The following LRBA variants were observed in gnomAD, a reference collection of about 807,000 sequenced individuals.
The protein encoded by LRBA is lipopolysaccharide-responsive and beige-like anchor protein.
A neutral mutation model predicts 330.0 loss-of-function variants in LRBA; 176 were observed. That is an observed-to-expected ratio of 0.53 (90% CI 0.47 to 0.60). The LOEUF (loss-of-function observed/expected upper bound fraction) is 0.60. Among genes scored for constraint, LRBA ranks in the 20% least tolerant of loss-of-function variants. The pLI is 0.00. For missense variants in LRBA, 3,259 were observed against 3,444.8 expected, an observed-to-expected ratio of 0.95 and a Z score of 1.35; for synonymous variants, 1,230 against 1,193.0, an observed-to-expected ratio of 1.03 and a Z score of -0.64.
chr4:150,812,447 T>C (rs975820918), intron 31 of LRBA, among the ~76,000 whole-genome samples: 3 of 152,192 alleles, frequency 2.0e-5, no homozygotes, highest in Non-Finnish European at 4.4e-5. Context: ...ATAACTAATG[T>C]CCCTTGCAAT....
intron 2 of LRBA, among the ~76,000 whole-genome samples, chr4:150,955,585 T>C (rs961569082): frequency 2.0e-5 from 3 of 147,674 alleles, no homozygotes; most frequent in Non-Finnish European, 4.4e-5. Flanking sequence ...CAAACCCCCA[T>C]CTCAATAATA....
chr4:150,424,464 T>G (rs1315830701), intron 46 of LRBA, among the ~76,000 whole-genome samples: 1 of 152,122 alleles, frequency 6.6e-6, no homozygotes, highest in Non-Finnish European at 1.5e-5. Context: ...CTAAGAAAGA[T>G]TAACAAAAAT....
At chr4:150,667,535 T>C (rs1450135225) in intron 37 of LRBA, among the ~76,000 whole-genome samples, 1 of 152,158 alleles carries the variant, frequency 6.6e-6, no homozygotes, top group Non-Finnish European at 1.5e-5. Flanking sequence ...AAACCTGCAA[T>C]TGATTGAATG....
chr4:150,735,973 CAAAAAGCTAAGCA>C (rs936938099), intron 35 of LRBA, among the ~76,000 whole-genome samples: 2 of 151,936 alleles, frequency 1.3e-5, no homozygotes, highest in Non-Finnish European at 2.9e-5. Context: ...AACTGGCAGC[CAAAAAGCTAAGCA>C]AAGCTTTCAG....
At chr4:150,527,921 A>G (rs1261396297) in intron 40 of LRBA, among the ~76,000 whole-genome samples, 1 of 152,236 alleles carries the variant, frequency 6.6e-6, no homozygotes, top group African/African-American at 2.4e-5. Flanking sequence ...CAATTCCTGT[A>G]CTATCACATT....
intron 52 of LRBA, among the ~76,000 whole-genome samples, chr4:150,308,904 A>T (rs1004867489): frequency 1.3e-5 from 2 of 152,196 alleles, no homozygotes; most frequent in Admixed American, 1.3e-4. Context: ...TAAGCCAATT[A>T]TTAGTAAAGA....
At chr4:150,430,199 T>C (rs995927679) in intron 46 of LRBA, among the ~76,000 whole-genome samples, 1 of 152,184 alleles carries the variant, frequency 6.6e-6, no homozygotes, top group Admixed American at 6.5e-5. Context: ...CCACTGGCAT[T>C]ACTGAATATA....
At chr4:150,592,903 G>T (rs1256124501) in intron 38 of LRBA, among the ~76,000 whole-genome samples, 1 of 151,852 alleles carries the variant, frequency 6.6e-6, no homozygotes, top group African/African-American at 2.4e-5. Flanking sequence ...AAAGTTGCTG[G>T]GATTACAGGC....
intron 2 of LRBA, among the ~76,000 whole-genome samples, chr4:150,957,019 T>C (rs1737618725): frequency 6.7e-6 from 1 of 148,864 alleles, no homozygotes; most frequent in Admixed American, 6.6e-5. Flanking sequence ...TGTGAGTGTG[T>C]GCGTGTGTGT....
chr4:150,344,890 T>G (rs1164124708), intron 48 of LRBA, among the ~76,000 whole-genome samples: 2 of 152,212 alleles, frequency 1.3e-5, no homozygotes, highest in Non-Finnish European at 2.9e-5. Flanking sequence ...GTTTAAGATC[T>G]GGCTCCTGTG....
intron 37 of LRBA, among the ~76,000 whole-genome samples, chr4:150,680,897 G>A (rs1582026542): frequency 6.6e-6 from 1 of 152,244 alleles, no homozygotes; most frequent in Non-Finnish European, 1.5e-5. Flanking sequence ...GCCATCAATA[G>A]TGAAACAAAA....
chr4:150,563,989 C>T (rs1768774258), intron 40 of LRBA, among the ~76,000 whole-genome samples: 1 of 152,088 alleles, frequency 6.6e-6, no homozygotes, highest in African/African-American at 2.4e-5. Context: ...AATGCCATCC[C>T]CATCAAGCTA....
At chr4:150,957,750 T>G (rs1737694049) in intron 2 of LRBA, among the ~76,000 whole-genome samples, 1 of 148,988 alleles carries the variant, frequency 6.7e-6, no homozygotes, top group Non-Finnish European at 1.5e-5. Context: ...ATTGGGTAAA[T>G]ACACTCATTC....
At chr4:150,913,942 G>A (rs1001988757) in intron 9 of LRBA, among the ~76,000 whole-genome samples, 2 of 152,106 alleles carry the variant, frequency 1.3e-5, no homozygotes, top group South Asian at 2.1e-4. Flanking sequence ...GTCATGCAAC[G>A]TGAAATAAGC....
Position 150,870,555 on chromosome 4 carries a change from G to C in LRBA, c.2419C>G (p.Pro807Ala), listed in dbSNP as rs766332412. 3 of 1,596,108 alleles carry C rather than the reference G, an allele frequency of 1.9e-6. No homozygotes were observed. Among genetic ancestry groups the C allele is most frequent in the Non-Finnish European group, 2.6e-6 (3 of 1,164,466 alleles). ...TTTTGTATCTTCACTGAAGAATCAG[G>C]ATCTGGATGCTGTTTATGTATCACC... Reference protein sequence around the residue: ...TQVIHKQHPDPDSSVKIQNPQ... With the variant: ...TQVIHKQHPDADSSVKIQNPQ... The change falls in exon 20 of 57, where the codon CCT becomes GCT. Residue 807 changes from proline (P) to alanine (A), a missense_variant. Coordinates refer to ENST00000651943, the MANE Select transcript of LRBA (RefSeq NM_001364905.1).
chr4:150,850,031 C>A (rs956190804), intron 24 of LRBA, among the ~76,000 whole-genome samples: 1 of 151,122 alleles, frequency 6.6e-6, no homozygotes, highest in African/African-American at 2.4e-5. Flanking sequence ...TGGGGGATAA[C>A]TTGAAGTACA....
Position 150,844,727 on chromosome 4 carries a change from C to T in LRBA, c.4392G>A (p.Leu1464=). 6.2e-7 allele frequency: 1 copy of T among 1,613,206 alleles called. No homozygotes were observed. The highest frequency in any genetic ancestry group is 2.2e-5 in the East Asian group (1 of 44,836). ...TCAAGGCTTTATCTCCCCTAGTTTT[C>T]AGTTGTGAATGCTGTTGACACTCCA... ...NCLECQQHSQ[L]KTRGDKALKP... The change falls in exon 27 of 57, where the codon CTG becomes CTA. Residue 1464 remains leucine, a synonymous_variant. Coordinates refer to ENST00000651943, the MANE Select transcript of LRBA (RefSeq NM_001364905.1).
At chr4:150,978,455 T>C (rs899049369) in intron 2 of LRBA, among the ~76,000 whole-genome samples, 1 of 152,134 alleles carries the variant, frequency 6.6e-6, no homozygotes, top group Non-Finnish European at 1.5e-5. Flanking sequence ...GTGAAGACTA[T>C]AATAACAGTC....
At chr4:150,831,769 A>G (rs936838843) in intron 29 of LRBA, 48 bp downstream of exon 29, 6 of 1,415,904 alleles carry the variant, frequency 4.2e-6, no homozygotes, top group Non-Finnish European at 3.8e-6. Context: ...AAAAGTAAGT[A>G]ACATTTATTT....
Sources: gnomAD v4.1 joint callset for allele counts (sites outside exome capture counted in the v4.1 genomes callset) on GRCh38, gnomAD v4.1.1 for gene constraint, MANE v1.5 for transcripts, NCBI Gene and HGNC (gene_info 2026-07-23, HGNC 2026-07-21) for gene names.